The following AFTPH variants were observed in gnomAD, a reference collection of about 807,000 sequenced individuals.
AFTPH encodes aftiphilin protein.
In AFTPH, 7 loss-of-function variants were observed where a neutral mutation model predicts 72.5. The observed-to-expected ratio is 0.10, with a 90% confidence interval of 0.05 to 0.18. The LOEUF is 0.18. Ranked by LOEUF, AFTPH falls within the 10% of genes least tolerant of loss-of-function variation. The pLI is 1.00. For synonymous variants in AFTPH, 337 were observed against 370.1 expected, an observed-to-expected ratio of 0.91 and a Z score of 1.03; for missense variants, 979 against 1,060.5, an observed-to-expected ratio of 0.92 and a Z score of 1.07.
At chr2:64,582,637 A>C (rs1376442180) in intron 7 of AFTPH, among the ~76,000 whole-genome samples, 1 of 152,148 alleles carries the variant, frequency 6.6e-6, no homozygotes, top group Non-Finnish European at 1.5e-5. Context: ...GGTAGGAGGG[A>C]CAACCAAAAA....
intron 2 of AFTPH, among the ~76,000 whole-genome samples, chr2:64,557,706 A>T (rs1671466892): frequency 6.6e-6 from 1 of 152,238 alleles, no homozygotes; most frequent in Non-Finnish European, 1.5e-5. Flanking sequence ...GCTAATATTT[A>T]TGCAGGTTTT....
chr2:64,538,639 C>T (rs1335417711), intron 1 of AFTPH, among the ~76,000 whole-genome samples: 1 of 152,140 alleles, frequency 6.6e-6, no homozygotes, highest in Non-Finnish European at 1.5e-5. Context: ...GCCTCCAGGT[C>T]ATCTTTTTCT....
At chr2:64,555,304 TA>T (rs1332304706) in intron 2 of AFTPH, among the ~76,000 whole-genome samples, 1 of 152,148 alleles carries the variant, frequency 6.6e-6, no homozygotes, top group Non-Finnish European at 1.5e-5. Flanking sequence ...CTCATGCCTG[TA>T]ATCACAGCAC....
intron 6 of AFTPH, 124 bp downstream of exon 6, chr2:64,573,192 G>A: frequency 1.4e-6 from 1 of 736,024 alleles, no homozygotes. Context: ...ATTTAATGAT[G>A]GACATGATTT....
intron 2 of AFTPH, among the ~76,000 whole-genome samples, chr2:64,562,118 T>TA (rs1283620740): frequency 6.6e-6 from 1 of 152,192 alleles, no homozygotes; most frequent in Non-Finnish European, 1.5e-5. Context: ...ATGAAGACAG[T>TA]AATACTTCTG....
Position 64,524,420 on chromosome 2 carries a change from G to A in AFTPH, c.-225G>A. The A allele has an allele frequency of 4.9e-6, 2 of 404,664 alleles. No individual in the cohort carries two copies. Among genetic ancestry groups the A allele is most frequent in the Non-Finnish European group, 8.7e-6 (2 of 229,948 alleles). 25.1% of individuals were successfully genotyped at this position (404,664 alleles called of 1,614,324 possible). A position where few individuals can be genotyped will look rare whatever the true frequency, so the allele number is the denominator to read the frequency against. Reference sequence around the variant, plus strand: ...CGGCGGCGGAAGAGGGCGGAGGGTAGTGGGATGGGGGTCCCGCGGCAGCGG... The same window carrying A: ...CGGCGGCGGAAGAGGGCGGAGGGTAATGGGATGGGGGTCCCGCGGCAGCGG... On this transcript the variant is annotated 5_prime_UTR_variant, in exon 1 of 9. The change creates a new upstream start codon in the 5' untranslated region. Coordinates refer to ENST00000238856, the Ensembl canonical transcript of AFTPH.
chr2:64,566,705 A>G (rs1444390272), intron 2 of AFTPH, among the ~76,000 whole-genome samples: 1 of 152,154 alleles, frequency 6.6e-6, no homozygotes, highest in Non-Finnish European at 1.5e-5. Context: ...TTGCACATGT[A>G]TAGTAAACCT....
At chr2:64,582,138 G>A (rs142701502) in intron 7 of AFTPH, among the ~76,000 whole-genome samples, 20 of 152,300 alleles carry the variant, frequency 1.3e-4, no homozygotes, top group Middle Eastern at 3.4e-3. Flanking sequence ...CAGCTGTTGG[G>A]GTGCCGTAGA....
intron 2 of AFTPH, among the ~76,000 whole-genome samples, chr2:64,563,735 A>ATT (rs1300427621): frequency 6.6e-6 from 1 of 152,096 alleles, no homozygotes; most frequent in East Asian, 1.9e-4. Context: ...CTCCCCAAGT[A>ATT]GCTGGGATTA....
chr2:64,584,927 T>C (rs1369427085), intron 7 of AFTPH, among the ~76,000 whole-genome samples: 1 of 152,136 alleles, frequency 6.6e-6, no homozygotes, highest in Non-Finnish European at 1.5e-5. Flanking sequence ...ACCAGATCAT[T>C]TACCATGTTT....
chr2:64,585,605 G>A, intron 8 of AFTPH, 60 bp downstream of exon 9: 1 of 1,531,362 alleles, frequency 6.5e-7, no homozygotes, highest in Non-Finnish European at 8.7e-7. Flanking sequence ...CGACCCAAAG[G>A]AAAAAGCATG....
At chr2:64,575,693 ATGTGTGTATATG>A (rs1188192012) in intron 6 of AFTPH, among the ~76,000 whole-genome samples, 1 of 135,432 alleles carries the variant, frequency 7.4e-6, no homozygotes, top group Admixed American at 8.4e-5. Context: ...ATATATATGT[ATGTGTGTATATG>A]TGTGTGTGTG....
Position 64,567,733 on chromosome 2 carries a change from T to C in AFTPH, c.2087+20T>C. On this transcript the variant is annotated intron_variant, in intron 3 of 8. Coordinates refer to ENST00000238856, the Ensembl canonical transcript of AFTPH. ...AAGTGGGTAAGTAGGAGACTGTTTTTAGATAGCATGTGTTTTTGTTATTTT... is the reference window on the plus strand; with the variant it reads ...AAGTGGGTAAGTAGGAGACTGTTTTCAGATAGCATGTGTTTTTGTTATTTT... The C allele has an allele frequency of 5.0e-6, 8 of 1,592,044 alleles. No individual in the cohort carries two copies. Among genetic ancestry groups the C allele is most frequent in the Non-Finnish European group, 6.8e-6 (8 of 1,171,728 alleles).
At chr2:64,525,672 A>T (rs907962315) in intron 1 of AFTPH, 1 of 152,498 alleles carries the variant, frequency 6.6e-6, no homozygotes, top group Non-Finnish European at 1.5e-5. Context: ...AACCTCTTAG[A>T]CATTAAAATA....
rs1558621788 is a variant in AFTPH, at chr2:64,569,238, GA to G, written c.2214+25del. 1.3e-6 allele frequency: 2 copies of G among 1,594,558 alleles called. No individual in the cohort carries two copies. Among genetic ancestry groups the G allele is most frequent in the Non-Finnish European group, 1.7e-6 (2 of 1,168,712 alleles). On this transcript the variant is annotated intron_variant, in intron 4 of 8. Transcript: ENST00000238856. ...AACATTGTGAGTTTGTTAGTACCTT[GA>G]AAAATCTTTTAATCAACCTGTGGAT...
At chr2:64,578,073 T>G (rs1424008847) in intron 6 of AFTPH, among the ~76,000 whole-genome samples, 3 of 152,202 alleles carry the variant, frequency 2.0e-5, no homozygotes, top group Admixed American at 2.0e-4. Context: ...GTATTTTACT[T>G]GGTTTATACC....
chr2:64,554,669 A>T (rs1671251388), intron 2 of AFTPH, among the ~76,000 whole-genome samples: 1 of 152,198 alleles, frequency 6.6e-6, no homozygotes, highest in African/African-American at 2.4e-5. Flanking sequence ...TAATTTGCTA[A>T]TTCAGTTATT....
exon 9 of AFTPH, chr2:64,592,636 T>C (rs1239443149): frequency 6.6e-6 from 1 of 152,598 alleles, no homozygotes; most frequent in Non-Finnish European, 1.5e-5. Context: ...GTATGGATCA[T>C]TGTCAGAACT....
intron 2 of AFTPH, among the ~76,000 whole-genome samples, chr2:64,563,858 G>A (rs779219711): frequency 1.2e-4 from 18 of 152,044 alleles, no homozygotes; most frequent in African/African-American, 1.4e-4. Flanking sequence ...TGCCTGCCTC[G>A]GCCTCCCAAA....
Sources: allele counts gnomAD v4.1 joint callset (sites outside exome capture counted in the v4.1 genomes callset), GRCh38; gene constraint gnomAD v4.1.1; transcripts MANE v1.5; gene names NCBI Gene and HGNC (gene_info 2026-07-23, HGNC 2026-07-21).